Variants in CCDC171 observed in about 807,000 individuals in gnomAD.
CCDC171 encodes the protein coiled-coil domain-containing protein 171.
CCDC171 carries 177 observed loss-of-function variants against 168.2 expected under a neutral mutation model. The observed-to-expected ratio is 1.05, with a 90% CI of 0.93 to 1.19. The LOEUF (loss-of-function observed/expected upper bound fraction) is 1.19, where lower values mean the gene tolerates loss of function less well. Among genes scored for constraint, CCDC171 ranks in the 50% most tolerant of loss-of-function variants. CCDC171 has a pLI of 0.00. For synonymous variants in CCDC171, 687 were observed against 540.8 expected (o/e 1.27, Z -3.75); for missense variants, 1,991 against 1,539.0 (o/e 1.29, Z -4.91).
intron 16 of CCDC171, among the ~76,000 whole-genome samples, chr9:15,742,982 T>C (rs1467234719): frequency 2.0e-5 from 3 of 151,890 alleles, no homozygotes; most frequent in Admixed American, 6.6e-5. Flanking sequence ...TCTTAGTCTG[T>C]TGCCCAGGTT....
At chr9:15,795,240 TA>T (rs2058492284) in intron 21 of CCDC171, among the ~76,000 whole-genome samples, 1 of 152,116 alleles carries the variant, frequency 6.6e-6, no homozygotes, top group Non-Finnish European at 1.5e-5. Flanking sequence ...CCCATCCTTT[TA>T]TAAGAAACCC....
chr9:15,705,868 T>G (rs2052180899), intron 11 of CCDC171, among the ~76,000 whole-genome samples: 1 of 152,212 alleles, frequency 6.6e-6, no homozygotes, highest in South Asian at 2.1e-4. Context: ...TGAATAAAAA[T>G]ATGAATGAAT....
At chr9:15,878,589 A>G (rs1335890078) in intron 24 of CCDC171, among the ~76,000 whole-genome samples, 2 of 152,180 alleles carry the variant, frequency 1.3e-5, no homozygotes, top group African/African-American at 4.8e-5. Context: ...AAAAAGCTGA[A>G]AACAGAACTA....
At chr9:16,006,738 A>G (rs576223211) in intron 3 of CCDC171, among the ~76,000 whole-genome samples, 1 of 152,210 alleles carries the variant, frequency 6.6e-6, no homozygotes, top group Non-Finnish European at 1.5e-5. Context: ...AGCTTCATCC[A>G]TGTCCCTACA....
chr9:15,578,653 G>C (rs1171342520), intron 3 of CCDC171, among the ~76,000 whole-genome samples, 196 bp from the exon 4 acceptor site: 1 of 151,188 alleles, frequency 6.6e-6, no homozygotes, highest in Non-Finnish European at 1.5e-5. Context: ...TCCTCTAGTG[G>C]ATTCTCTAAA....
chr9:15,583,502 G>T (rs778435456), intron 4 of CCDC171, among the ~76,000 whole-genome samples: 1 of 152,044 alleles, frequency 6.6e-6, no homozygotes, highest in African/African-American at 2.4e-5. Context: ...GCAGCAATCT[G>T]GATGGAGCTG....
the CCDC171 span, among the ~76,000 whole-genome samples, chr9:16,073,898 G>A: frequency 6.8e-3 from 1,028 of 152,294 alleles, 5 homozygotes; most frequent in Non-Finnish European, 9.7e-3. Context: ...TGGGAAGAGG[G>A]CTTTCAAAAT....
At chr9:15,584,908 T>C (rs1036448032) in intron 4 of CCDC171, among the ~76,000 whole-genome samples, 1 of 152,148 alleles carries the variant, frequency 6.6e-6, no homozygotes, top group African/African-American at 2.4e-5. Flanking sequence ...CCTGGAAAGA[T>C]GGGAAGTTAC....
At chr9:15,555,807 A>G (rs60918672) in intron 1 of CCDC171, among the ~76,000 whole-genome samples, 4,530 of 152,200 alleles carry the variant, frequency 0.03, 220 homozygotes, top group African/African-American at 0.1. Flanking sequence ...TACATTAAGT[A>G]TATCTCCTAA....
At chr9:15,731,808 C>G (rs2054168256) in intron 16 of CCDC171, among the ~76,000 whole-genome samples, 1 of 152,024 alleles carries the variant, frequency 6.6e-6, no homozygotes, top group Non-Finnish European at 1.5e-5. Flanking sequence ...TTTATTCCCA[C>G]CAGCAACACA....
chr9:15,952,935 T>C (rs1829375508), intron 25 of CCDC171, among the ~76,000 whole-genome samples: 1 of 152,198 alleles, frequency 6.6e-6, no homozygotes, highest in African/African-American at 2.4e-5. Flanking sequence ...TTATTCTTTT[T>C]GATGCTATTT....
the CCDC171 span, among the ~76,000 whole-genome samples, chr9:16,075,817 A>G: frequency 6.6e-6 from 1 of 152,216 alleles, no homozygotes; most frequent in Admixed American, 6.5e-5. Flanking sequence ...CAGTCAATTT[A>G]GTGAGTCAGC....
chr9:15,584,317 A>G (rs946361596), intron 4 of CCDC171, among the ~76,000 whole-genome samples: 11 of 152,246 alleles, frequency 7.2e-5, no homozygotes, highest in South Asian at 4.1e-4. Flanking sequence ...TGACAACCCT[A>G]TAACAAAACA....
intron 11 of CCDC171, among the ~76,000 whole-genome samples, chr9:15,701,777 A>G (rs758792418): frequency 1.3e-5 from 2 of 152,110 alleles, no homozygotes; most frequent in Non-Finnish European, 2.9e-5. Flanking sequence ...GTCATTTTAT[A>G]AGGAACTCCT....
chr9:16,098,091 T>C, the CCDC171 span, among the ~76,000 whole-genome samples: 1 of 152,216 alleles, frequency 6.6e-6, no homozygotes, highest in East Asian at 1.9e-4. Flanking sequence ...TTTTGTTCAA[T>C]GCAATCCATT....
At chr9:15,911,126 C>G (rs1823566587) in intron 24 of CCDC171, among the ~76,000 whole-genome samples, 1 of 152,210 alleles carries the variant, frequency 6.6e-6, no homozygotes, top group Non-Finnish European at 1.5e-5. Flanking sequence ...ACCAGACTGT[C>G]TTCCACAATG....
chr9:16,088,736 T>C, the CCDC171 span, among the ~76,000 whole-genome samples: 1 of 152,110 alleles, frequency 6.6e-6, no homozygotes, highest in Non-Finnish European at 1.5e-5. Context: ...GGAAAAACAT[T>C]CCATGCTCAT....
rs1243190771 is a variant in CCDC171, at chr9:15,820,708, CA to C, written c.3268-25987del. Among the ~76,000 whole-genome samples, 2 of 116,272 alleles carry C rather than the reference CA, an allele frequency of 1.7e-5. 1 individual carries two copies. Among genetic ancestry groups the C allele is most frequent in the African/African-American group, 6.5e-5 (2 of 30,894 alleles). The allele number at this position is 116,272 out of a possible 152,430, so 76.3% of individuals were successfully genotyped here. A position where few individuals can be genotyped will look rare whatever the true frequency, so the allele number is the denominator to read the frequency against. On this transcript the variant is annotated intron_variant, in intron 21 of 25. Transcript: ENST00000380701. The stretch of plus-strand genomic sequence containing the variant: ...AGGCAATAATTAATAGCTTACCAAC[CA>C]AAAAAAGTCCAGGACCAGATGGATT...
intron 25 of CCDC171, among the ~76,000 whole-genome samples, chr9:15,964,992 A>T (rs1330064577): frequency 6.6e-6 from 1 of 152,088 alleles, no homozygotes; most frequent in Non-Finnish European, 1.5e-5. Flanking sequence ...CAAACTCGTG[A>T]CTTCAGGTGA....
Sources: gnomAD v4.1 joint callset for allele counts (sites outside exome capture counted in the v4.1 genomes callset) on GRCh38, gnomAD v4.1.1 for gene constraint, MANE v1.5 for transcripts, NCBI Gene and HGNC (gene_info 2026-07-23, HGNC 2026-07-21) for gene names.